The following ADAMTSL1 variants were observed in gnomAD, a reference collection of about 807,000 sequenced individuals.
ADAMTSL1 encodes ADAMTS like 1, also known as ADAMTS-like protein 1.
Under a neutral mutation model 201.8 loss-of-function variants are expected in ADAMTSL1, and 126 were observed. The ratio of observed to expected loss-of-function variants is 0.62; its 90% CI spans 0.54 to 0.72. ADAMTSL1 has a LOEUF of 0.72. Among genes scored for constraint, ADAMTSL1 ranks in the 30% least tolerant of loss-of-function variants. The pLI is 0.00. For missense variants in ADAMTSL1, 2,679 were observed against 2,277.8 expected (o/e 1.18, Z -3.59); for synonymous variants, 1,121 against 903.4 (o/e 1.24, Z -4.32).
intron 14 of ADAMTSL1, among the ~76,000 whole-genome samples, chr9:18,717,495 T>G (rs894445257): frequency 6.6e-6 from 1 of 152,072 alleles, no homozygotes; most frequent in Non-Finnish European, 1.5e-5. Flanking sequence ...TTAAATTTCT[T>G]TAAAAAAATT....
chr9:18,775,640 T>C, intron 17 of ADAMTSL1, 103 bp from the exon 18 acceptor site: 1 of 1,446,584 alleles, frequency 6.9e-7, no homozygotes, highest in Non-Finnish European at 9.4e-7. Flanking sequence ...GTTATTGCTT[T>C]TCCAAGCAAA....
chr9:18,104,236 A>C (rs1033693645), intron 1 of ADAMTSL1, among the ~76,000 whole-genome samples: 1 of 152,092 alleles, frequency 6.6e-6, no homozygotes, highest in African/African-American at 2.4e-5. Flanking sequence ...CTGCTGAATG[A>C]TCTTACGTGA....
chr9:17,936,824 C>T (rs1479788609), intron 1 of ADAMTSL1, among the ~76,000 whole-genome samples: 1 of 152,164 alleles, frequency 6.6e-6, no homozygotes, highest in African/African-American at 2.4e-5. Context: ...CTTTAAAGTA[C>T]TCCCTTGAAG....
chr9:18,115,570 C>T (rs1015933102), intron 1 of ADAMTSL1, among the ~76,000 whole-genome samples: 6 of 152,146 alleles, frequency 3.9e-5, no homozygotes, highest in African/African-American at 1.4e-4. Context: ...TGTTTATTTA[C>T]CAGAACTTAA....
intron 13 of ADAMTSL1, among the ~76,000 whole-genome samples, chr9:18,697,041 A>T (rs1831600796): frequency 6.6e-6 from 1 of 151,412 alleles, no homozygotes; most frequent in Admixed American, 6.6e-5. Flanking sequence ...CGCCACACCC[A>T]GCTAATTTTT....
chr9:18,784,122 T>C (rs1370016024), intron 19 of ADAMTSL1, among the ~76,000 whole-genome samples: 1 of 152,214 alleles, frequency 6.6e-6, no homozygotes, highest in African/African-American at 2.4e-5. Context: ...CAAATGTGCC[T>C]GGGGCCTTCT....
At chr9:18,596,852 G>A (rs114073810) in intron 4 of ADAMTSL1, among the ~76,000 whole-genome samples, 5 of 152,310 alleles carry the variant, frequency 3.3e-5, no homozygotes, top group South Asian at 2.1e-4. Flanking sequence ...TTTTGAAGAC[G>A]TAGACAAGGC....
intron 1 of ADAMTSL1, among the ~76,000 whole-genome samples, chr9:17,992,611 G>A (rs1819206044): frequency 6.6e-6 from 1 of 152,022 alleles, no homozygotes; most frequent in East Asian, 1.9e-4. Context: ...AGTAGTGAGA[G>A]CCTCCCCCTG....
chr9:18,381,010 G>A (rs1837535717), intron 2 of ADAMTSL1, among the ~76,000 whole-genome samples: 1 of 152,208 alleles, frequency 6.6e-6, no homozygotes, highest in South Asian at 2.1e-4. Context: ...CTCTGTCCCA[G>A]AAGGTGTGCT....
At chr9:18,785,847 A>T (rs1162959197) in intron 19 of ADAMTSL1, among the ~76,000 whole-genome samples, 1 of 152,230 alleles carries the variant, frequency 6.6e-6, no homozygotes, top group African/African-American at 2.4e-5. Flanking sequence ...GAAGAGCCAG[A>T]TTCTCCAAAA....
intron 2 of ADAMTSL1, among the ~76,000 whole-genome samples, chr9:18,269,231 T>C (rs1456938904): frequency 1.3e-5 from 2 of 152,172 alleles, no homozygotes; most frequent in Non-Finnish European, 2.9e-5. Context: ...ATACATATCA[T>C]TTCTCTCCAG....
At chr9:18,260,677 C>T (rs1480915836) in intron 2 of ADAMTSL1, among the ~76,000 whole-genome samples, 1 of 152,210 alleles carries the variant, frequency 6.6e-6, no homozygotes, top group Non-Finnish European at 1.5e-5. Context: ...CTCTGGAAGC[C>T]TGCACTTTCT....
chr9:18,079,607 A>G (rs1823388594), intron 1 of ADAMTSL1, among the ~76,000 whole-genome samples: 1 of 151,824 alleles, frequency 6.6e-6, no homozygotes, highest in Non-Finnish European at 1.5e-5. Flanking sequence ...GCGTTAACCC[A>G]CGAGCTGGAG....
At chr9:18,605,981 AC>A (rs1651178961) in intron 4 of ADAMTSL1, among the ~76,000 whole-genome samples, 1 of 151,940 alleles carries the variant, frequency 6.6e-6, no homozygotes, top group Admixed American at 6.6e-5. Flanking sequence ...TGGGCTTTCT[AC>A]CCCTTTCTGA....
chr9:17,946,633 A>G (rs1027913031), intron 1 of ADAMTSL1, among the ~76,000 whole-genome samples: 2 of 152,138 alleles, frequency 1.3e-5, no homozygotes, highest in African/African-American at 4.8e-5. Flanking sequence ...GAATTCCATA[A>G]AAAGATTTTT....
At position 18,003,351 on chromosome 9, in the gene ADAMTSL1, TACTC is replaced by T. The variant is rs1280232937; in HGVS notation, c.87+96431_87+96434del. On this transcript the variant is annotated intron_variant, in intron 1 of 29. Transcript: ENST00000680146. ...ACAAGTACCTGCTGAAGGTTGCAAA[TACTC>T]AAGAGAGAGAGGATACCATCATACC... Among the ~76,000 whole-genome samples, 6 of 152,130 alleles carry T rather than the reference TACTC, an allele frequency of 3.9e-5. No homozygotes were observed. In the South Asian group the frequency reaches 6.2e-4, roughly 16 times the overall value.
At chr9:18,179,926 A>G (rs1367886702) in intron 2 of ADAMTSL1, among the ~76,000 whole-genome samples, 1 of 152,240 alleles carries the variant, frequency 6.6e-6, no homozygotes, top group Admixed American at 6.5e-5. Flanking sequence ...AAATCATGCC[A>G]AATTGTAAAG....
chr9:18,074,561 C>CTTTTTTTTTTTTTTTTTTTTTTTT (rs138619215), intron 1 of ADAMTSL1, among the ~76,000 whole-genome samples: 1 of 131,350 alleles, frequency 7.6e-6, no homozygotes, highest in African/African-American at 2.8e-5. Flanking sequence ...CTTCTCTTTT[C>CTTTTTTTTTTTTTTTTTTTTTTTT]TTTTTTTTTT....
chr9:18,473,494 T>G (rs184094057), upstream of ADAMTSL1, among the ~76,000 whole-genome samples: 327 of 152,250 alleles, frequency 2.1e-3, 1 homozygote, highest in African/African-American at 7.6e-3. Context: ...CCCCCCAAAT[T>G]AAGTCCTTAA....
Sources: allele counts gnomAD v4.1 joint callset (sites outside exome capture counted in the v4.1 genomes callset), GRCh38; gene constraint gnomAD v4.1.1; transcripts MANE v1.5; gene names NCBI Gene and HGNC (gene_info 2026-07-23, HGNC 2026-07-21).